The following MINAR1 variants were observed in gnomAD, a reference collection of about 807,000 sequenced individuals.
MINAR1 encodes the protein major intrinsically disordered Notch2-binding receptor 1.
A neutral mutation model predicts 65.1 loss-of-function variants in MINAR1; 40 were observed. The ratio of observed to expected loss-of-function variants is 0.61; its 90% CI spans 0.48 to 0.80. The LOEUF (loss-of-function observed/expected upper bound fraction) is 0.80. MINAR1 is among the 30% of genes least tolerant of loss of function. The pLI is 0.00. For missense variants in MINAR1, 1,128 were observed against 1,148.0 expected, an observed-to-expected ratio of 0.98 and a Z score of 0.25; for synonymous variants, 482 against 449.1, an observed-to-expected ratio of 1.07 and a Z score of -0.93.
the MINAR1 span, chr15:79,423,165 ACT>A: frequency 2.0e-5 from 3 of 152,170 alleles, no homozygotes; most frequent in African/African-American, 4.8e-5. Flanking sequence ...ACTGCATGTG[ACT>A]CTATATGTAT....
the MINAR1 span, chr15:79,419,126 C>T: frequency 6.6e-6 from 1 of 152,164 alleles, no homozygotes; most frequent in African/African-American, 2.4e-5. Context: ...GGCTACCCTT[C>T]TTAGCTATTG....
chr15:79,472,048 AT>A lies in MINAR1; in HGVS notation c.*3665del, dbSNP rs1297772513. The A allele has an allele frequency of 2.0e-5, 3 of 152,694 alleles. No homozygotes were observed. Among genetic ancestry groups the A allele is most frequent in the African/African-American group, 7.2e-5 (3 of 41,560 alleles). 9.5% of individuals were successfully genotyped at this position (152,694 alleles called of 1,614,324 possible). The stretch of plus-strand genomic sequence containing the variant: ...AGTGTGGAATGTAAGGTGAAATTTT[AT>A]GTGCAAGATCCTGAAGGAATGGGTA... On this transcript the variant is annotated 3_prime_UTR_variant, in exon 4 of 4. Coordinates refer to ENST00000305428, the MANE Select transcript of MINAR1 (RefSeq NM_015206.3).
intron 1 of MINAR1, among the ~76,000 whole-genome samples, chr15:79,437,641 GA>G: frequency 7.3e-6 from 1 of 136,552 alleles, no homozygotes; most frequent in Non-Finnish European, 1.6e-5. Context: ...AGTGGGTAGT[GA>G]GGGTGTGGGT....
At chr15:79,428,277 TCTCTCCCTCCC>T (rs1894360821), upstream of MINAR1, among the ~76,000 whole-genome samples, 32 of 33,858 alleles carry the variant, frequency 9.5e-4, no homozygotes, top group East Asian at 3.0e-3. Flanking sequence ...TTCTTCTCCC[TCTCTCCCTCCC>T]TCCCTCCTTC....
chr15:79,455,077 A>G (rs1895366967), intron 1 of MINAR1, among the ~76,000 whole-genome samples: 1 of 152,224 alleles, frequency 6.6e-6, no homozygotes, highest in African/African-American at 2.4e-5. Flanking sequence ...AAAGCAAATA[A>G]AGTAAAATAT....
the MINAR1 span, chr15:79,416,865 G>T: frequency 1.3e-5 from 2 of 152,236 alleles, no homozygotes; most frequent in African/African-American, 4.8e-5. Context: ...GGCCATTAGT[G>T]TCCATTGTGA....
chr15:79,413,444 G>A, the MINAR1 span: 26 of 152,216 alleles, frequency 1.7e-4, no homozygotes, highest in African/African-American at 4.8e-4. Flanking sequence ...GAAACAACAA[G>A]AAGCTTTGAT....
At chr15:79,431,242 G>A (rs1477198873), upstream of MINAR1, among the ~76,000 whole-genome samples, 2 of 152,162 alleles carry the variant, frequency 1.3e-5, no homozygotes, top group Non-Finnish European at 2.9e-5. Flanking sequence ...CCATGGCCCC[G>A]AAACTATGAT....
the MINAR1 span, chr15:79,415,363 A>C: frequency 2.0e-5 from 3 of 152,206 alleles, no homozygotes; most frequent in Admixed American, 6.5e-5. Context: ...ACCATATGTC[A>C]TTTCTAATAA....
chr15:79,428,257 C>CTT (rs1177446112), upstream of MINAR1, among the ~76,000 whole-genome samples: 1 of 33,676 alleles, frequency 3.0e-5, no homozygotes, highest in Non-Finnish European at 6.4e-5. Flanking sequence ...TCCCTCCTTC[C>CTT]CTCCTTCCTT....
intron 1 of MINAR1, among the ~76,000 whole-genome samples, chr15:79,454,540 C>T (rs1179705796): frequency 3.9e-5 from 6 of 152,102 alleles, no homozygotes; most frequent in Admixed American, 2.0e-4. Context: ...TCTTAGAACC[C>T]GCATCTATGT....
intron 3 of MINAR1, among the ~76,000 whole-genome samples, chr15:79,465,544 A>G (rs1249335704): frequency 1.3e-5 from 2 of 152,170 alleles, no homozygotes; most frequent in African/African-American, 4.8e-5. Flanking sequence ...AATTAAAAAT[A>G]GTTTATTTCA....
intron 1 of MINAR1, among the ~76,000 whole-genome samples, chr15:79,449,373 A>G (rs1895118600): frequency 1.3e-5 from 2 of 152,218 alleles, no homozygotes; most frequent in African/African-American, 4.8e-5. Context: ...TTGTGTTGCT[A>G]TAACAGAATA....
chr15:79,467,796 G>C (rs775292070), intron 3 of MINAR1, among the ~76,000 whole-genome samples: 1 of 152,200 alleles, frequency 6.6e-6, no homozygotes, highest in African/African-American at 2.4e-5. Context: ...TCTGTTCTTA[G>C]AGCCTGTTGG....
chr15:79,433,220 C>G (rs1488932438), intron 1 of MINAR1, among the ~76,000 whole-genome samples: 1 of 152,086 alleles, frequency 6.6e-6, no homozygotes, highest in Non-Finnish European at 1.5e-5. Context: ...CTTGGGCTAC[C>G]GAATCCATCA....
In MINAR1 at chr15:79,457,376, G is replaced by A; in HGVS notation, c.1229G>A (p.Arg410Lys). ...ACCCCCAATTTCCCAGCCCCAGAAA[G>A]GCGCCCAACTTACCTTGTGCCAAAG... is the stretch of plus-strand genomic sequence containing the variant. ...SQTPNFPAPE[R>K]RPTYLVPKDQ... is the part of the protein sequence containing the mutation. The change falls in exon 2 of 4, where the codon AGG becomes AAG. Residue 410 changes from arginine (R) to lysine (K), a missense_variant. By Grantham distance (26) the Arg-to-Lys change is conservative (BLOSUM62 2). Transcript: ENST00000305428. The A allele has an allele frequency of 6.2e-7, 1 of 1,614,144 alleles. No individual in the cohort carries two copies. The highest frequency in any genetic ancestry group is 8.5e-7 in the Non-Finnish European group (1 of 1,180,026).
chr15:79,430,965 A>G (rs1223147220), upstream of MINAR1, among the ~76,000 whole-genome samples: 1 of 152,152 alleles, frequency 6.6e-6, no homozygotes, highest in Non-Finnish European at 1.5e-5. Context: ...GACTAGCTGC[A>G]AGTTCACTTT....
intron 1 of MINAR1, among the ~76,000 whole-genome samples, chr15:79,440,821 A>G (rs1037220774): frequency 6.6e-6 from 1 of 152,008 alleles, no homozygotes; most frequent in African/African-American, 2.4e-5. Flanking sequence ...GCTTTTCTCC[A>G]TAGCACTTTC....
rs1895592942 is a variant in MINAR1 at position 79,460,077 on chromosome 15, G to C, written c.2298+1632G>C. On this transcript the variant is annotated intron_variant, in intron 2 of 3. Transcript: ENST00000305428. ...TGTCAAAGCTTCACAAAGCCAGCAG[G>C]AATGAGCAGACACAAGCTTCAGTCA... Among the ~76,000 whole-genome samples, 3 of 152,190 alleles carry C rather than the reference G, an allele frequency of 2.0e-5. 1 individual carries two copies. The South Asian group carries it at 6.2e-4, about 32-fold the overall frequency.
Sources: allele counts gnomAD v4.1 joint callset (sites outside exome capture counted in the v4.1 genomes callset), GRCh38; gene constraint gnomAD v4.1.1; transcripts MANE v1.5; gene names NCBI Gene and HGNC (gene_info 2026-07-23, HGNC 2026-07-21).